GABRG3: variants seen among roughly 807,000 people sequenced by gnomAD.
The protein encoded by GABRG3 is gamma-aminobutyric acid receptor subunit gamma-3.
In GABRG3, 25 loss-of-function variants were observed where a neutral mutation model predicts 48.8. The observed-to-expected ratio is 0.51, with a 90% CI of 0.37 to 0.72. GABRG3 has a LOEUF of 0.72. Among genes scored for constraint, GABRG3 ranks in the 30% least tolerant of loss-of-function variants. GABRG3 has a pLI of 0.00. For synonymous variants in GABRG3, 227 were observed against 217.6 expected, an observed-to-expected ratio of 1.04 and a Z score of -0.38; for missense variants, 394 against 577.9, an observed-to-expected ratio of 0.68 and a Z score of 3.26.
intron 5 of GABRG3, among the ~76,000 whole-genome samples, chr15:27,456,436 G>T (rs766779011): frequency 5.9e-5 from 9 of 152,144 alleles, no homozygotes; most frequent in Non-Finnish European, 1.2e-4. Flanking sequence ...CCTTAGTGGC[G>T]CTGTGCTTTA....
chr15:27,212,160 A>G (rs1397252283), intron 3 of GABRG3, among the ~76,000 whole-genome samples: 2 of 152,212 alleles, frequency 1.3e-5, no homozygotes, highest in African/African-American at 4.8e-5. Flanking sequence ...GTGTAACTGT[A>G]TACACCTGTC....
chr15:27,409,832 A>C (rs1473795416), intron 5 of GABRG3, among the ~76,000 whole-genome samples: 1 of 152,124 alleles, frequency 6.6e-6, no homozygotes, highest in Non-Finnish European at 1.5e-5. Flanking sequence ...TCTAGGAGTT[A>C]GTTTTTTTAC....
intron 5 of GABRG3, among the ~76,000 whole-genome samples, chr15:27,354,821 A>G (rs1894782004): frequency 6.6e-6 from 1 of 152,176 alleles, no homozygotes; most frequent in South Asian, 2.1e-4. Flanking sequence ...AACTAGACAA[A>G]AGCTCCCAAA....
intron 3 of GABRG3, among the ~76,000 whole-genome samples, chr15:27,041,390 C>T: frequency 6.6e-6 from 1 of 152,084 alleles, no homozygotes; most frequent in Non-Finnish European, 1.5e-5. Context: ...CCCATGTTGC[C>T]CAGCTGGTCT....
At chr15:27,520,854 C>T (rs7183443) in intron 7 of GABRG3, among the ~76,000 whole-genome samples, 93,739 of 150,364 alleles carry the variant, frequency 0.62, 30,401 homozygotes, top group African/African-American at 0.81. Context: ...TCTGCAACAT[C>T]TCTCATATTT....
At chr15:27,387,934 GGGAAGGAGGGAA>G (rs1895988246) in intron 5 of GABRG3, among the ~76,000 whole-genome samples, 1 of 68,154 alleles carries the variant, frequency 1.5e-5, no homozygotes, top group South Asian at 8.4e-4. Context: ...GAGGGAGGGA[GGGAAGGAGGGAA>G]AGAGGGAGGG....
chr15:27,295,975 G>T (rs911059319), intron 3 of GABRG3, among the ~76,000 whole-genome samples: 1 of 152,276 alleles, frequency 6.6e-6, no homozygotes, highest in South Asian at 2.1e-4. Flanking sequence ...GCCTTTCCTG[G>T]TGTGGAACCT....
intron 3 of GABRG3, among the ~76,000 whole-genome samples, chr15:27,166,944 G>A (rs771211673): frequency 2.0e-5 from 3 of 152,074 alleles, no homozygotes; most frequent in Non-Finnish European, 4.4e-5. Flanking sequence ...ATTGAAAACC[G>A]AAGAGAAACA....
chr15:27,136,340 G>A (rs1186732756), intron 3 of GABRG3, among the ~76,000 whole-genome samples: 1 of 152,168 alleles, frequency 6.6e-6, no homozygotes, highest in Admixed American at 6.6e-5. Flanking sequence ...ACATATATAA[G>A]CTTTGAAAGA....
intron 5 of GABRG3, among the ~76,000 whole-genome samples, chr15:27,337,315 A>T (rs1314278874): frequency 6.6e-6 from 1 of 152,220 alleles, no homozygotes; most frequent in East Asian, 1.9e-4. Flanking sequence ...GAGTCTCATT[A>T]TAAAAAGCAA....
intron 3 of GABRG3, among the ~76,000 whole-genome samples, chr15:27,051,915 C>T (rs1476642002): frequency 1.3e-5 from 2 of 152,160 alleles, no homozygotes; most frequent in African/African-American, 4.8e-5. Flanking sequence ...AAGGAGTGTG[C>T]AACCTAGATC....
chr15:27,324,780 G>A (rs546147352), intron 3 of GABRG3, among the ~76,000 whole-genome samples: 10 of 152,322 alleles, frequency 6.6e-5, no homozygotes, highest in African/African-American at 1.9e-4. Context: ...GTGCATCTTT[G>A]CTTCTGCAGG....
At chr15:27,173,148 C>T (rs991894809) in intron 3 of GABRG3, among the ~76,000 whole-genome samples, 3 of 152,206 alleles carry the variant, frequency 2.0e-5, no homozygotes, top group Non-Finnish European at 2.9e-5. Flanking sequence ...CATCTTAACA[C>T]TCCATTCTAA....
rs1042944638 is a variant in GABRG3 at position 27,305,225 on chromosome 15, G to A, written c.271-21584G>A. ...CTCTAATCAAGTATATTTCTATACA[G>A]TAGAACGCAGACTGGAAAACAGAAA... On this transcript the variant is annotated intron_variant, in intron 3 of 9. Transcript: ENST00000615808. 4.0e-5 allele frequency among the ~76,000 whole-genome samples: 6 copies of A among 151,716 alleles called. No individual in the cohort carries two copies. The East Asian group carries it at 5.8e-4, about 15-fold the overall frequency.
chr15:27,493,341 C>T (rs1176736655), intron 6 of GABRG3, among the ~76,000 whole-genome samples: 2 of 151,998 alleles, frequency 1.3e-5, no homozygotes, highest in African/African-American at 4.8e-5. Flanking sequence ...AATTCTATCT[C>T]CTAGTAAAGA....
chr15:27,337,428 T>C (rs1490188792), intron 5 of GABRG3, among the ~76,000 whole-genome samples: 2 of 152,248 alleles, frequency 1.3e-5, no homozygotes, highest in East Asian at 3.8e-4. Flanking sequence ...ATCAATGAAC[T>C]ATTTTAATAA....
chr15:27,069,364 A>G (rs560087187), intron 3 of GABRG3, among the ~76,000 whole-genome samples: 5 of 152,330 alleles, frequency 3.3e-5, no homozygotes, highest in African/African-American at 1.2e-4. Context: ...GCCACCCTGA[A>G]AGCCTCTCTG....
rs62001341 is a variant in GABRG3, at chr15:27,369,565, C to T, written c.574+40677C>T. ...GGGCGCGGTGGCTCATCCCTCTAAT[C>T]CCAACACTTTGGGAGGCCAAGGTGG... On this transcript the variant is annotated intron_variant, in intron 5 of 9. Transcript: ENST00000615808. Among the ~76,000 whole-genome samples the T allele has an allele frequency of 3.2e-3, 483 of 152,222 alleles. 2 individuals carry two copies. The highest frequency in any genetic ancestry group is 0.014 in the Middle Eastern group (4 of 294).
At chr15:27,450,433 C>T (rs924268809) in intron 5 of GABRG3, among the ~76,000 whole-genome samples, 2 of 152,126 alleles carry the variant, frequency 1.3e-5, no homozygotes, top group Non-Finnish European at 2.9e-5. Context: ...CCACATGATA[C>T]ATCACATTAA....
Sources: gnomAD v4.1 joint callset for allele counts (sites outside exome capture counted in the v4.1 genomes callset) on GRCh38, gnomAD v4.1.1 for gene constraint, MANE v1.5 for transcripts, NCBI Gene and HGNC (gene_info 2026-07-23, HGNC 2026-07-21) for gene names.